PROSER2: variants seen among roughly 807,000 people sequenced by gnomAD.
PROSER2 encodes proline and serine-rich protein 2.
In PROSER2, 18 loss-of-function variants were observed where a neutral mutation model predicts 14.6. The ratio of observed to expected loss-of-function variants is 1.23; its 90% CI spans 0.85 to 1.83. The LOEUF (loss-of-function observed/expected upper bound fraction) is 1.83, where lower values mean the gene tolerates loss of function less well. Ranked by LOEUF, PROSER2 falls within the 40% of genes most tolerant of loss-of-function variation. The pLI is 0.00. For missense variants in PROSER2, 823 were observed against 629.8 expected (o/e 1.31, Z -3.28); for synonymous variants, 367 against 286.4 (o/e 1.28, Z -2.84).
intron 1 of PROSER2, among the ~76,000 whole-genome samples, chr10:11,835,106 TAAAA>T (rs10556057): frequency 2.6e-4 from 37 of 141,770 alleles, no homozygotes; most frequent in Non-Finnish European, 3.3e-4. Context: ...GAATCTGTCT[TAAAA>T]AAAAAAAAAA....
rs972142168 is a variant in PROSER2, at chr10:11,870,193, C to A, written c.1095C>A (p.Ser365=). Residue 365 remains serine (S), a synonymous_variant, in exon 4 of 4, where the codon TCC becomes TCA. Transcript: ENST00000277570. Reference sequence around the variant, plus strand: ...GCTCCTTCGCGCCCGCTGGGAAGTCCCTCTGCTTCCGCCCTGGCCCGGCCC... The same window carrying A: ...GCTCCTTCGCGCCCGCTGGGAAGTCACTCTGCTTCCGCCCTGGCCCGGCCC... ...APSSFAPAGK[S]LCFRPGPALP... 1.3e-6 allele frequency: 2 copies of A among 1,488,608 alleles called. No individual in the cohort carries two copies. Among genetic ancestry groups the A allele is most frequent in the East Asian group, 2.9e-5 (1 of 34,886 alleles). 92.2% of individuals were successfully genotyped at this position (1,488,608 alleles called of 1,614,324 possible). A position where few individuals can be genotyped will look rare whatever the true frequency, so the allele number is the denominator to read the frequency against.
In PROSER2 at chr10:11,836,870, G is replaced by A. The variant is rs916746495; in HGVS notation, c.-82+13400G>A. Among the ~76,000 whole-genome samples the A allele has an allele frequency of 6.6e-6, 1 of 152,174 alleles. No homozygotes were observed. The highest frequency in any genetic ancestry group is 2.4e-5 in the African/African-American group (1 of 41,458). On this transcript the variant is annotated intron_variant, in intron 1 of 3. Coordinates refer to ENST00000277570, the MANE Select transcript of PROSER2 (RefSeq NM_153256.4). The surrounding 1 kb of genome is among the most constrained non-coding windows in gnomAD (Gnocchi z 4.6). ...TAGTTTCGGTTACTTGCAGTCAACC[G>A]TGGTCCAAAAATATGCGATGGAAAA...
Position 11,869,816 on chromosome 10 carries a change from C to A in PROSER2, c.718C>A (p.Pro240Thr), listed in dbSNP as rs1834433195. ...ARGPRSGDPG[P>T]GPSHPAQPKA... is the part of the protein sequence containing the mutation. The stretch of plus-strand genomic sequence containing the variant: ...GGGGCCCCGCAGTGGAGACCCTGGC[C>A]CGGGGCCCAGCCACCCGGCGCAGCC... Residue 240 changes from proline (P) to threonine (T), a missense_variant, in exon 4 of 4, where the codon CCG becomes ACG. Pro to Thr is a conservative substitution (Grantham distance 38, BLOSUM62 -1). Transcript: ENST00000277570. This position sits in a 1 kb window ranked among gnomAD's most constrained non-coding sequence, Gnocchi z 4.4. The A allele has an allele frequency of 3.8e-6, 6 of 1,564,344 alleles. No homozygotes were observed. The highest frequency in any genetic ancestry group is 5.2e-6 in the Non-Finnish European group (6 of 1,158,304).
intron 1 of PROSER2, among the ~76,000 whole-genome samples, chr10:11,839,389 T>A (rs1218047521): frequency 6.6e-6 from 1 of 152,096 alleles, no homozygotes; most frequent in Non-Finnish European, 1.5e-5. Flanking sequence ...AAAAATAAAT[T>A]CTTTAGGTCA....
chr10:11,870,519 T>C lies in PROSER2; in HGVS notation c.*113T>C. 1.1e-6 allele frequency: 1 copy of C among 932,272 alleles called. No homozygotes were observed. The highest frequency in any genetic ancestry group is 2.2e-5 in the South Asian group (1 of 44,714). 57.7% of individuals were successfully genotyped at this position (932,272 alleles called of 1,614,324 possible). A position where few individuals can be genotyped will look rare whatever the true frequency, so the allele number is the denominator to read the frequency against. Reference sequence around the variant, plus strand: ...AAATGGAAGTGACAGCGGGAGCCCCTGCCCTCTGTGGCACATCGGAGTCTA... The same window carrying C: ...AAATGGAAGTGACAGCGGGAGCCCCCGCCCTCTGTGGCACATCGGAGTCTA... On this transcript the variant is annotated 3_prime_UTR_variant, in exon 4 of 4. Coordinates refer to ENST00000277570, the MANE Select transcript of PROSER2 (RefSeq NM_153256.4).
chr10:11,866,301 G>A lies in PROSER2; in HGVS notation c.139-230G>A, dbSNP rs776312569. 3.9e-5 allele frequency among the ~76,000 whole-genome samples: 6 copies of A among 152,170 alleles called. No homozygotes were observed. The highest frequency in any genetic ancestry group is 7.3e-5 in the Non-Finnish European group (5 of 68,030). The stretch of plus-strand genomic sequence containing the variant: ...ACTTGCTAGGAACCCCAAGGCGAGG[G>A]CCCGTTATAACAGCTTTGAGGCTCT... On this transcript the variant is annotated intron_variant, in intron 2 of 3. Coordinates refer to ENST00000277570, the MANE Select transcript of PROSER2 (RefSeq NM_153256.4). The surrounding 1 kb of genome is among the most constrained non-coding windows in gnomAD (Gnocchi z 6.0).
intron 1 of PROSER2, among the ~76,000 whole-genome samples, chr10:11,845,969 T>TCATTCATTCATTCATG (rs1329385893): frequency 6.6e-6 from 1 of 152,166 alleles, no homozygotes; most frequent in Non-Finnish European, 1.5e-5. Context: ...ATTACTTCAT[T>TCATTCATTCATTCATG]CATTCATTCA....
At chr10:11,867,486 A>C (rs1472425902) in intron 3 of PROSER2, among the ~76,000 whole-genome samples, 1 of 151,806 alleles carries the variant, frequency 6.6e-6, no homozygotes, top group Non-Finnish European at 1.5e-5. Context: ...TACAAAAATT[A>C]GCTGGCGCAC....
At position 11,862,099 on chromosome 10, in the gene PROSER2, T is replaced by TG. The variant is rs1175500036; in HGVS notation, c.139-4431dup. The stretch of plus-strand genomic sequence containing the variant: ...GGAATGTTTCTGACAAGTTCACAGA[T>TG]GCTGCTTCTGGTCCAGACACCACAC... On this transcript the variant is annotated intron_variant, in intron 2 of 3. Coordinates refer to ENST00000277570, the MANE Select transcript of PROSER2 (RefSeq NM_153256.4). This position sits in a 1 kb window ranked among gnomAD's most constrained non-coding sequence, Gnocchi z 4.2. 1.3e-5 allele frequency among the ~76,000 whole-genome samples: 2 copies of TG among 152,180 alleles called. No homozygotes were observed. The highest frequency in any genetic ancestry group is 2.9e-5 in the Non-Finnish European group (2 of 68,038).
chr10:11,864,645 G>A (rs1410535388), intron 2 of PROSER2, among the ~76,000 whole-genome samples: 1 of 148,354 alleles, frequency 6.7e-6, no homozygotes, highest in Non-Finnish European at 1.5e-5. Context: ...CTGGAGTGCA[G>A]TGGTGCAGTC....
At chr10:11,828,301 G>GAAAAAAAAAAAA (rs11297440) in intron 1 of PROSER2, among the ~76,000 whole-genome samples, 1 of 136,242 alleles carries the variant, frequency 7.3e-6, no homozygotes. Flanking sequence ...CTCTCTGTGT[G>GAAAAAAAAAAAA]AAAAAAAAAA....
At position 11,869,683 on chromosome 10, in the gene PROSER2, C is replaced by T. The variant is rs1378606037; in HGVS notation, c.585C>T (p.Leu195=). 4.4e-6 allele frequency: 7 copies of T among 1,597,966 alleles called. No individual in the cohort carries two copies. The highest frequency in any genetic ancestry group is 6.0e-6 in the Non-Finnish European group (7 of 1,172,840). ...TCCTGCGCTCTGTTCCCACGCCCCT[C>T]GTTATGGCGCAGAAGATTTCCGAGA... ...PRLLRSVPTP[L]VMAQKISERM... is the part of the protein sequence containing the mutation. Residue 195 remains leucine (L), a synonymous_variant, in exon 4 of 4, where the codon CTC becomes CTT. Coordinates refer to ENST00000277570, the MANE Select transcript of PROSER2 (RefSeq NM_153256.4). The surrounding 1 kb of genome is among the most constrained non-coding windows in gnomAD (Gnocchi z 4.4).
At chr10:11,839,395 G>A (rs1833805386) in intron 1 of PROSER2, among the ~76,000 whole-genome samples, 1 of 152,080 alleles carries the variant, frequency 6.6e-6, no homozygotes, top group Non-Finnish European at 1.5e-5. Context: ...AAATTCTTTA[G>A]GTCATATTAC....
Position 11,869,428 on chromosome 10 carries a change from G to T in PROSER2, c.392-62G>T. 4 of 1,279,814 alleles carry T rather than the reference G, an allele frequency of 3.1e-6. 1 individual carries two copies. The South Asian group carries it at 3.6e-5, about 12-fold the overall frequency. 79.3% of individuals were successfully genotyped at this position (1,279,814 alleles called of 1,614,324 possible). On this transcript the variant is annotated intron_variant, in intron 3 of 3. Coordinates refer to ENST00000277570, the MANE Select transcript of PROSER2 (RefSeq NM_153256.4). This position sits in a 1 kb window ranked among gnomAD's most constrained non-coding sequence, Gnocchi z 4.4. ...AGGCTCTTTTCAGTTCAGCGAGAGG[G>T]AACTTCATGCATTTACTTTCACGTG...
chr10:11,868,270 T>C (rs1428172021), intron 3 of PROSER2, among the ~76,000 whole-genome samples: 1 of 152,232 alleles, frequency 6.6e-6, no homozygotes, highest in African/African-American at 2.4e-5. Flanking sequence ...CATATTTTCA[T>C]AACAATTTTT....
intron 1 of PROSER2, chr10:11,851,559 CAGA>C (rs1038541654): frequency 2.0e-5 from 3 of 152,162 alleles, no homozygotes; most frequent in Non-Finnish European, 2.9e-5. Context: ...CTTGGAAGTG[CAGA>C]AGAAGATACC....
intron 1 of PROSER2, 131 bp from the exon 2 acceptor site, chr10:11,851,866 G>GT (rs1310509079): frequency 7.3e-6 from 3 of 408,626 alleles, no homozygotes; most frequent in Non-Finnish European, 1.3e-5. Context: ...TTGACTTAGC[G>GT]TTTCCCAATC....
intron 2 of PROSER2, among the ~76,000 whole-genome samples, chr10:11,857,951 C>T (rs539326653): frequency 6.6e-6 from 1 of 151,878 alleles, no homozygotes; most frequent in Admixed American, 6.6e-5. Context: ...TTTTCCCCCC[C>T]AAGATGGAGT....
At position 11,860,728 on chromosome 10, in the gene PROSER2, C is replaced by G. The variant is rs180836709; in HGVS notation, c.139-5803C>G. Among the ~76,000 whole-genome samples the G allele has an allele frequency of 5.3e-3, 807 of 152,230 alleles. 2 individuals are homozygous for G. Among genetic ancestry groups the G allele is most frequent in the African/African-American group, 0.019 (783 of 41,516 alleles). On this transcript the variant is annotated intron_variant, in intron 2 of 3. Transcript: ENST00000277570. ...GAACTCTGGGATGAAATGTATGAGG[C>G]CTGCGTGGGGATCCGAGCAAGGGTC...
Sources: gnomAD v4.1 joint callset for allele counts (sites outside exome capture counted in the v4.1 genomes callset) on GRCh38, gnomAD v4.1.1 for gene constraint, Gnocchi (gnomAD v3.1) non-coding constraint, MANE v1.5 for transcripts, NCBI Gene and HGNC (gene_info 2026-07-23, HGNC 2026-07-21) for gene names.